DMXL1: variants seen among roughly 807,000 people sequenced by gnomAD.
DMXL1 encodes the protein dmX-like protein 1.
In DMXL1, 99 loss-of-function variants were observed where a neutral mutation model predicts 319.2. That is an observed-to-expected ratio of 0.31 (90% CI 0.26 to 0.37). DMXL1 has a LOEUF of 0.37. Ranked by LOEUF, DMXL1 falls within the 10% of genes least tolerant of loss-of-function variation. The pLI is 1.00. For missense variants in DMXL1, 3,745 were observed against 3,595.6 expected, an observed-to-expected ratio of 1.04 and a Z score of -1.06; for synonymous variants, 1,385 against 1,235.2, an observed-to-expected ratio of 1.12 and a Z score of -2.54.
At chr5:119,213,581 A>T (rs1457608193) in intron 34 of DMXL1, among the ~76,000 whole-genome samples, 1 of 152,196 alleles carries the variant, frequency 6.6e-6, no homozygotes, top group Non-Finnish European at 1.5e-5. Flanking sequence ...AGAGTTGCCT[A>T]TAAAGTCCTT....
intron 10 of DMXL1, among the ~76,000 whole-genome samples, chr5:119,132,124 G>C (rs1016745316): frequency 6.6e-6 from 1 of 152,170 alleles, no homozygotes; most frequent in African/African-American, 2.4e-5. Context: ...TGACTGGACT[G>C]TTTGCGGGCT....
intron 1 of DMXL1, among the ~76,000 whole-genome samples, chr5:119,088,857 G>A (rs1753949692): frequency 6.6e-6 from 1 of 152,030 alleles, no homozygotes; most frequent in Non-Finnish European, 1.5e-5. Flanking sequence ...TGTAGATATT[G>A]TTTTTGATAG....
chr5:119,246,923 G>A (rs572689202), intron 43 of DMXL1, 72 bp from the exon 44 acceptor site: 18 of 1,166,700 alleles, frequency 1.5e-5, no homozygotes, highest in Admixed American at 2.2e-5. Context: ...ATGAGCCACC[G>A]CACCTGGCCT....
intron 4 of DMXL1, among the ~76,000 whole-genome samples, chr5:119,108,946 C>CA (rs1287044172): frequency 2.6e-5 from 4 of 151,992 alleles, no homozygotes; most frequent in Admixed American, 6.6e-5. Flanking sequence ...GGTTTACAGG[C>CA]ATGCTCCACC....
chr5:119,172,003 C>A, intron 25 of DMXL1, 34 bp downstream of exon 25: 1 of 1,553,460 alleles, frequency 6.4e-7, no homozygotes, highest in Non-Finnish European at 8.8e-7. Flanking sequence ...TTTACTTCAT[C>A]TGTACAATGA....
At chr5:119,205,278 A>G (rs1781550948) in intron 33 of DMXL1, among the ~76,000 whole-genome samples, 1 of 152,158 alleles carries the variant, frequency 6.6e-6, no homozygotes, top group Non-Finnish European at 1.5e-5. Context: ...TTGAGCCATT[A>G]GATTGTCTAG....
chr5:119,224,886 T>G (rs1037908068), intron 38 of DMXL1, 117 bp downstream of exon 38: 5 of 422,586 alleles, frequency 1.2e-5, no homozygotes, highest in African/African-American at 4.1e-5. Flanking sequence ...TTTATTTGAC[T>G]TTTTTTCTAG....
chr5:119,203,087 C>T (rs1163951771), intron 32 of DMXL1, among the ~76,000 whole-genome samples: 8 of 151,836 alleles, frequency 5.3e-5, no homozygotes, highest in African/African-American at 1.2e-4. Flanking sequence ...TTTACCTGTA[C>T]ATTATCAGAC....
intron 19 of DMXL1, among the ~76,000 whole-genome samples, chr5:119,159,071 A>G (rs568855503): frequency 8.3e-4 from 126 of 152,010 alleles, no homozygotes; most frequent in South Asian, 2.9e-3. Context: ...TTAAATGTTT[A>G]GTAGAATTCA....
intron 1 of DMXL1, among the ~76,000 whole-genome samples, chr5:119,086,038 C>T (rs983497200): frequency 6.6e-6 from 1 of 151,914 alleles, no homozygotes; most frequent in African/African-American, 2.4e-5. Context: ...AAAGACATAC[C>T]CAAGACTGAG....
chr5:119,234,789 A>G (rs1787423438), intron 39 of DMXL1, among the ~76,000 whole-genome samples: 1 of 152,166 alleles, frequency 6.6e-6, no homozygotes, highest in South Asian at 2.1e-4. Flanking sequence ...ACAGTATTAT[A>G]TAACAAAAAA....
chr5:119,077,785 G>A (rs116228711), intron 1 of DMXL1, among the ~76,000 whole-genome samples: 2,427 of 139,288 alleles, frequency 0.017, 28 homozygotes, highest in Non-Finnish European at 0.025. Flanking sequence ...GTGTGTGTGT[G>A]TGTATATCTG....
chr5:119,170,484 T>G lies in DMXL1; in HGVS notation c.5693T>G (p.Leu1898Arg). The G allele has an allele frequency of 6.2e-7, 1 of 1,613,784 alleles. No homozygotes were observed. Among genetic ancestry groups the G allele is most frequent in the Middle Eastern group, 1.6e-4 (1 of 6,062 alleles). Residue 1898 changes from leucine to arginine, a missense_variant, in exon 24 of 44, where the codon CTG (leucine) becomes CGG (arginine). By Grantham distance (102) the Leu-to-Arg change is moderately radical (BLOSUM62 -2). This residue lies in a region of DMXL1 where 1,382 missense variants were observed against 1,269.5 expected (regional missense o/e 1.09). Transcript: ENST00000539542. ...TRPFYRASSF[L>R]DTSKDCSPSS... ...CCTTTTTATAGGGCTTCTAGTTTTC[T>G]GGATACTAGTAAAGACTGTTCTCCT...
intron 28 of DMXL1, among the ~76,000 whole-genome samples, chr5:119,179,306 CAAA>C (rs137904079): frequency 5.9e-5 from 7 of 119,098 alleles, no homozygotes; most frequent in Non-Finnish European, 9.0e-5. Flanking sequence ...AATGTTTTTC[CAAA>C]AAAAAAAAAA....
In DMXL1 at chr5:119,089,262, G is replaced by A. The variant is rs1337964554; in HGVS notation, c.88-8717G>A. On this transcript the variant is annotated intron_variant, in intron 1 of 43. Coordinates refer to ENST00000539542, the MANE Select transcript of DMXL1 (RefSeq NM_001290321.3). The stretch of plus-strand genomic sequence containing the variant: ...GACAAATTGGAGCTCCATTATATAT[G>A]CATATATATATATACATATATATAT... Among the ~76,000 whole-genome samples the A allele has an allele frequency of 4.1e-3, 344 of 83,776 alleles. 15 individuals are homozygous for A. The Admixed American group carries it at 0.052, about 13-fold the overall frequency. 55.0% of individuals were successfully genotyped at this position (83,776 alleles called of 152,430 possible). A position where few individuals can be genotyped will look rare whatever the true frequency, so the allele number is the denominator to read the frequency against.
Position 119,072,360 on chromosome 5 carries a change from G to GT in DMXL1, c.87+713dup, listed in dbSNP as rs555008623. Among the ~76,000 whole-genome samples, 1,314 of 150,956 alleles carry GT rather than the reference G, an allele frequency of 8.7e-3. 15 individuals carry two copies. The highest frequency in any genetic ancestry group is 0.03 in the African/African-American group (1,218 of 41,110). ...TGGCATTTTTCTACCTTAACTATAG[G>GT]TTTTTTTTTAATAACAATTTCAAAA... On this transcript the variant is annotated intron_variant, in intron 1 of 43. Transcript: ENST00000539542.
At chr5:119,238,815 T>C (rs965853764) in intron 40 of DMXL1, 174 bp from the exon 41 acceptor site, 2 of 877,938 alleles carry the variant, frequency 2.3e-6, no homozygotes, top group African/African-American at 3.6e-5. Context: ...GGGTAAAAGG[T>C]ATATGAAAGT....
chr5:119,110,722 C>G (rs1427562623), intron 5 of DMXL1, among the ~76,000 whole-genome samples: 2 of 152,108 alleles, frequency 1.3e-5, no homozygotes, highest in Non-Finnish European at 2.9e-5. Context: ...CAGAGAAATT[C>G]TGAAAGAAAA....
chr5:119,149,786 C>G lies in DMXL1; in HGVS notation c.3959C>G (p.Pro1320Arg), dbSNP rs367798193. 6.2e-7 allele frequency: 1 copy of G among 1,613,900 alleles called. No homozygotes were observed. Among genetic ancestry groups the G allele is most frequent in the South Asian group, 1.1e-5 (1 of 91,074 alleles). Residue 1320 changes from proline (P) to arginine (R), a missense_variant, in exon 18 of 44, where the codon CCG becomes CGG. This residue lies in a region of DMXL1 where 2,096 missense variants were observed against 1,985.4 expected (regional missense o/e 1.06). Transcript: ENST00000539542. ...GLFEAAHVLS[P>R]TLPQYHPLQL... Reference sequence around the variant, plus strand: ...TTTGAAGCAGCTCATGTACTTTCCCCGACTCTACCTCAGTATCATCCCTTG... The same window carrying G: ...TTTGAAGCAGCTCATGTACTTTCCCGGACTCTACCTCAGTATCATCCCTTG...
Sources: allele counts gnomAD v4.1 joint callset (sites outside exome capture counted in the v4.1 genomes callset), GRCh38; gene constraint gnomAD v4.1.1; regional missense constraint gnomAD v4.1.1; transcripts MANE v1.5; gene names NCBI Gene and HGNC (gene_info 2026-07-23, HGNC 2026-07-21).